The following HMGN1 variants were observed in gnomAD, a reference collection of about 807,000 sequenced individuals.
HMGN1 encodes the protein high mobility group nucleosome binding domain 1, also known as non-histone chromosomal protein HMG-14.
In HMGN1, 9 loss-of-function variants were observed where a neutral mutation model predicts 18.4. That is an observed-to-expected ratio of 0.49 (90% confidence interval 0.29 to 0.85). The LOEUF (loss-of-function observed/expected upper bound fraction) is 0.85, where lower values mean the gene tolerates loss of function less well. Ranked by LOEUF, HMGN1 falls within the 40% of genes least tolerant of loss-of-function variation. HMGN1 has a pLI of 0.07. For synonymous variants in HMGN1, 59 were observed against 45.0 expected, an observed-to-expected ratio of 1.31 and a Z score of -1.24; for missense variants, 151 against 119.2, an observed-to-expected ratio of 1.27 and a Z score of -1.24.
At chr21:39,345,820 G>T (rs1442688424) in intron 4 of HMGN1, 1 of 1,298,508 alleles carries the variant, frequency 7.7e-7, no homozygotes, top group African/African-American at 1.5e-5. Context: ...CTCACATTAA[G>T]ACCAATCACC....
intron 4 of HMGN1, chr21:39,347,646 C>A (rs1483989633): frequency 2.4e-5 from 8 of 329,296 alleles, no homozygotes; most frequent in South Asian, 1.6e-4. Context: ...ACTTGTTTTA[C>A]ACATGTTCTG....
intron 5 of HMGN1, 104 bp downstream of exon 5, chr21:39,345,042 A>G: frequency 7.5e-7 from 1 of 1,334,280 alleles, no homozygotes; most frequent in Non-Finnish European, 9.9e-7. Flanking sequence ...GTTCAATATT[A>G]TAATGAATAC....
chr21:39,345,496 T>A, intron 4 of HMGN1: 1 of 577,852 alleles, frequency 1.7e-6, no homozygotes, highest in Non-Finnish European at 3.1e-6. Flanking sequence ...AGCTGTCATA[T>A]TAATGTCTAT....
chr21:39,342,947 AAGC>A lies in HMGN1; in HGVS notation c.*162_*164del, dbSNP rs2036913785. 2 of 1,270,720 alleles carry A rather than the reference AAGC, an allele frequency of 1.6e-6. No individual in the cohort carries two copies. Among genetic ancestry groups the A allele is most frequent in the African/African-American group, 3.0e-5 (2 of 66,924 alleles). The allele number at this position is 1,270,720 out of a possible 1,614,324, so 78.7% of individuals were successfully genotyped here. ...GCAAATGATTTCACCTCTTAAAAAA[AAGC>A]ATTTACACTTAAAAAATGGGATGAG... On this transcript the variant is annotated 3_prime_UTR_variant, in exon 6 of 6. Coordinates refer to ENST00000380749, the MANE Select transcript of HMGN1 (RefSeq NM_004965.7).
chr21:39,348,298 T>A lies in HMGN1; in HGVS notation c.120A>T (p.Ala40=), dbSNP rs766292229. The change falls in exon 4 of 6, where the codon GCA becomes GCT. Residue 40 remains alanine (A), a synonymous_variant. Transcript: ENST00000380749. ...TGCGCGTTTCGAGGCTTACCTTCGC[T>A]GCTGCCTTTTTCGGCTTCGCTTCCA... is the stretch of plus-strand genomic sequence containing the variant. ...AKVEAKPKKA[A]AKDKSSDKKV... is the part of the protein sequence containing the mutation. 14 of 1,614,016 alleles carry A rather than the reference T, an allele frequency of 8.7e-6. No individual in the cohort carries two copies. Among genetic ancestry groups the A allele is most frequent in the Non-Finnish European group, 1.1e-5 (13 of 1,179,982 alleles).
In HMGN1 at chr21:39,348,756, C is replaced by T. The variant is rs1007243808; in HGVS notation, c.15+147G>A. 37 of 1,079,398 alleles carry T rather than the reference C, an allele frequency of 3.4e-5. No individual in the cohort carries two copies. In the African/African-American group the frequency reaches 5.7e-4, roughly 17 times the overall value. 66.9% of individuals were successfully genotyped at this position (1,079,398 alleles called of 1,614,324 possible). On this transcript the variant is annotated intron_variant, in intron 1 of 5. Coordinates refer to ENST00000380749, the MANE Select transcript of HMGN1 (RefSeq NM_004965.7). ...CCAGAACGCCCGCCCCCGCGGCCGC[C>T]GAGCGCTCGCCTGCCCGCCCGCCGG...
intron 2 of HMGN1, 27 bp from the exon 3 acceptor site, chr21:39,348,478 CGAGAA>C: frequency 6.2e-7 from 1 of 1,614,102 alleles, no homozygotes; most frequent in East Asian, 2.2e-5. Context: ...GGAGAGTCAG[CGAGAA>C]GAGAAGGCAG....
intron 4 of HMGN1, chr21:39,345,643 C>T: frequency 2.5e-6 from 1 of 395,136 alleles, no homozygotes; most frequent in South Asian, 2.0e-5. Flanking sequence ...ATCCTAAAGC[C>T]CGAGCTATAT....
chr21:39,347,599 T>C, intron 4 of HMGN1: 1 of 445,428 alleles, frequency 2.2e-6, no homozygotes, highest in Non-Finnish European at 4.4e-6. Flanking sequence ...TGTAGAGCTT[T>C]ACAGGTTTCA....
rs745496447 is a variant in HMGN1, at chr21:39,348,959, G to A, written c.-42C>T. On this transcript the variant is annotated 5_prime_UTR_variant, in exon 1 of 6. Coordinates refer to ENST00000380749, the MANE Select transcript of HMGN1 (RefSeq NM_004965.7). The stretch of plus-strand genomic sequence containing the variant: ...GCGCGTGCCGGGTGCCTGCGGGGAA[G>A]GCGCGTGCCGGGTGCCTGCGGGCCG... The A allele has an allele frequency of 7.4e-5, 89 of 1,199,738 alleles. No individual in the cohort carries two copies. Among genetic ancestry groups the A allele is most frequent in the Non-Finnish European group, 8.9e-5 (86 of 967,618 alleles). 74.3% of individuals were successfully genotyped at this position (1,199,738 alleles called of 1,614,324 possible). A position where few individuals can be genotyped will look rare whatever the true frequency, so the allele number is the denominator to read the frequency against.
intron 4 of HMGN1, chr21:39,348,014 A>G: frequency 8.5e-7 from 1 of 1,179,822 alleles, no homozygotes; most frequent in East Asian, 2.9e-5. Context: ...GCCACAATGT[A>G]CGCAACGCAA....
In HMGN1 at chr21:39,348,042, T is replaced by G; in HGVS notation, c.126+250A>C. The G allele has an allele frequency of 1.9e-6, 2 of 1,060,120 alleles. 1 individual carries two copies. The highest frequency in any genetic ancestry group is 3.8e-5 in the South Asian group (2 of 52,476). The allele number at this position is 1,060,120 out of a possible 1,614,324, so 65.7% of individuals were successfully genotyped here. On this transcript the variant is annotated intron_variant, in intron 4 of 5. Coordinates refer to ENST00000380749, the MANE Select transcript of HMGN1 (RefSeq NM_004965.7). ...CAACGCAAAGAATAAATTTCCTTTG[T>G]AGACTTAATATTTAATATTTTTTGT... is the stretch of plus-strand genomic sequence containing the variant.
At chr21:39,348,814 T>C (rs1485995219) in intron 1 of HMGN1, 89 bp downstream of exon 1, 13 of 1,042,064 alleles carry the variant, frequency 1.2e-5, no homozygotes, top group Non-Finnish European at 1.6e-5. Context: ...GTCGCCACCG[T>C]GGGTGCAACG....
intron 4 of HMGN1, 100 bp from the exon 5 acceptor site, chr21:39,345,374 T>C (rs1601552082): frequency 2.6e-6 from 3 of 1,142,788 alleles, no homozygotes; most frequent in Non-Finnish European, 3.8e-6. Flanking sequence ...ATGTGCCCAG[T>C]GGTGCTGACT....
At chr21:39,345,353 T>C (rs1601552050) in intron 4 of HMGN1, 79 bp from the exon 5 acceptor site, 7 of 1,424,274 alleles carry the variant, frequency 4.9e-6, no homozygotes, top group African/African-American at 1.4e-5. Flanking sequence ...CCCCTTCATG[T>C]CAGACAAGTA....
At chr21:39,346,350 C>A (rs1351275636) in intron 4 of HMGN1, 1 of 184,700 alleles carries the variant, frequency 5.4e-6, no homozygotes, top group African/African-American at 2.4e-5. Flanking sequence ...GTATTTGAGA[C>A]AAAACTGCTA....
chr21:39,348,709 G>C (rs1470082407), intron 1 of HMGN1, 132 bp from the exon 2 acceptor site: 3 of 1,191,270 alleles, frequency 2.5e-6, no homozygotes, highest in African/African-American at 1.6e-5. Flanking sequence ...AGCCCCCTCA[G>C]CTCCCCCGGC....
chr21:39,347,904 A>G, intron 4 of HMGN1: 2 of 1,029,590 alleles, frequency 1.9e-6, no homozygotes, highest in Non-Finnish European at 2.3e-6. Context: ...AACTGTATAT[A>G]TAAAAACTTA....
At chr21:39,348,695 G>A in intron 1 of HMGN1, 118 bp from the exon 2 acceptor site, 1 of 1,295,200 alleles carries the variant, frequency 7.7e-7, no homozygotes, top group Non-Finnish European at 1.0e-6. Context: ...CGCCCCGTTC[G>A]AATAGCCCCC....
Sources: allele counts gnomAD v4.1 joint callset, GRCh38; gene constraint gnomAD v4.1.1; transcripts MANE v1.5; gene names NCBI Gene and HGNC (gene_info 2026-07-23, HGNC 2026-07-21).